GPRASP3: variants seen among roughly 807,000 people sequenced by gnomAD.
The protein encoded by GPRASP3 is G protein-coupled receptor associated sorting protein family member 3.
At chrX:102,736,096 G>A in the GPRASP3 span, among the ~76,000 whole-genome samples, 1 of 111,985 alleles carries the variant, frequency 8.9e-6, no homozygotes, top group Non-Finnish European at 1.9e-5. Context: ...TAGTGGTAAA[G>A]CAGGCAAGTC....
the GPRASP3 span, among the ~76,000 whole-genome samples, chrX:102,745,675 C>A: frequency 1.8e-5 from 2 of 111,316 alleles, no homozygotes; most frequent in African/African-American, 6.5e-5. Context: ...GCAGACACAC[C>A]AAGGGGCGGT....
At chrX:102,748,016 A>G in the GPRASP3 span, 15 of 112,089 alleles carry the variant, frequency 1.3e-4, no homozygotes, top group African/African-American at 4.9e-4. Context: ...CCATCTTTCT[A>G]GTCACCTCTG....
the GPRASP3 span, chrX:102,721,165 C>T: frequency 9.0e-6 from 1 of 111,349 alleles, no homozygotes; most frequent in East Asian, 2.8e-4. Context: ...GCTCCCAGCC[C>T]AGTGCCCTGT....
chrX:102,749,519 G>T, the GPRASP3 span: 3 of 1,211,939 alleles, frequency 2.5e-6, no homozygotes, highest in Non-Finnish European at 3.3e-6. Context: ...AATGTTATTG[G>T]GAACTGGTTT....
the GPRASP3 span, among the ~76,000 whole-genome samples, chrX:102,725,274 G>A: frequency 1.8e-5 from 2 of 111,768 alleles, no homozygotes; most frequent in Non-Finnish European, 3.8e-5. Context: ...AGCCCCACTG[G>A]AAAATCTGTT....
At chrX:102,741,471 T>C in the GPRASP3 span, among the ~76,000 whole-genome samples, 3 of 112,273 alleles carry the variant, frequency 2.7e-5, no homozygotes, top group African/African-American at 9.7e-5. Flanking sequence ...TACTCTGCTA[T>C]TTTGTCTCTT....
the GPRASP3 span, among the ~76,000 whole-genome samples, chrX:102,731,967 C>G: frequency 8.9e-6 from 1 of 112,221 alleles, no homozygotes; most frequent in Non-Finnish European, 1.9e-5. Flanking sequence ...CCCTGGTATC[C>G]GCATTCAATT....
At chrX:102,748,448 T>C in the GPRASP3 span, among the ~76,000 whole-genome samples, 1 of 112,261 alleles carries the variant, frequency 8.9e-6, no homozygotes, top group Non-Finnish European at 1.9e-5. Flanking sequence ...CCTTTAGCCT[T>C]TCTCACTCTC....
chrX:102,746,608 C>T, the GPRASP3 span, among the ~76,000 whole-genome samples: 2 of 112,253 alleles, frequency 1.8e-5, no homozygotes, highest in African/African-American at 6.5e-5. Flanking sequence ...GGGCCGCGTT[C>T]GCTACTCGGG....
At chrX:102,735,217 A>G in the GPRASP3 span, among the ~76,000 whole-genome samples, 1 of 111,815 alleles carries the variant, frequency 8.9e-6, no homozygotes. Context: ...AAATCTATCT[A>G]ATTTTAATGT....
At chrX:102,728,667 T>C in the GPRASP3 span, among the ~76,000 whole-genome samples, 2 of 105,108 alleles carry the variant, frequency 1.9e-5, no homozygotes, top group Non-Finnish European at 3.9e-5. Flanking sequence ...TCCTCCCACC[T>C]TGGACTCCCA....
the GPRASP3 span, among the ~76,000 whole-genome samples, chrX:102,723,775 T>G: frequency 9.9e-5 from 11 of 111,383 alleles, no homozygotes; most frequent in African/African-American, 3.6e-4. Context: ...GGTTGGAACT[T>G]TGGGCCAGCT....
chrX:102,741,019 C>G, the GPRASP3 span, among the ~76,000 whole-genome samples: 9 of 111,373 alleles, frequency 8.1e-5, no homozygotes, highest in Non-Finnish European at 1.5e-4. Flanking sequence ...ATAACCGAGT[C>G]TCATGGTACC....
chrX:102,753,183 T>C, the GPRASP3 span: 1 of 123,052 alleles, frequency 8.1e-6, no homozygotes, highest in South Asian at 3.7e-4. Context: ...CAAAATAGAA[T>C]TGTTTTCATT....
the GPRASP3 span, among the ~76,000 whole-genome samples, chrX:102,741,050 G>T: frequency 9.0e-6 from 1 of 111,545 alleles, no homozygotes; most frequent in Non-Finnish European, 1.9e-5. Context: ...AGGGTAACAA[G>T]TGTCCGAGTT....
the GPRASP3 span, among the ~76,000 whole-genome samples, chrX:102,739,527 G>C: frequency 9.0e-6 from 1 of 111,458 alleles, no homozygotes; most frequent in Non-Finnish European, 1.9e-5. Context: ...TTTGCCCTCT[G>C]AACATAAAGC....
the GPRASP3 span, among the ~76,000 whole-genome samples, chrX:102,730,608 G>A: frequency 1.8e-5 from 2 of 111,964 alleles, no homozygotes; most frequent in Non-Finnish European, 1.9e-5. Flanking sequence ...AATTTTGAGG[G>A]CTTCAATATT....
the GPRASP3 span, among the ~76,000 whole-genome samples, chrX:102,730,416 G>A: frequency 2.8e-4 from 32 of 112,570 alleles, no homozygotes; most frequent in African/African-American, 8.7e-4. Context: ...ACGGGTCCAG[G>A]TCCGTGGCCT....
At chrX:102,749,314 A>G in the GPRASP3 span, 1 of 1,212,038 alleles carries the variant, frequency 8.3e-7, no homozygotes, top group Non-Finnish European at 1.1e-6. Flanking sequence ...TGAGGCTGGT[A>G]CTGATGCCTG....
Sources: gnomAD v4.1 joint callset for allele counts (sites outside exome capture counted in the v4.1 genomes callset) on GRCh38, gnomAD v4.1.1 for gene constraint, MANE v1.5 for transcripts, NCBI Gene and HGNC (gene_info 2026-07-23, HGNC 2026-07-21) for gene names.